The following ZFAT variants were observed in gnomAD, a reference collection of about 807,000 sequenced individuals.
The protein encoded by ZFAT is zinc finger and AT-hook domain containing, also known as zinc finger protein ZFAT.
In ZFAT, 64 loss-of-function variants were observed where a neutral mutation model predicts 117.7. The ratio of observed to expected loss-of-function variants is 0.54; its 90% confidence interval spans 0.44 to 0.67. ZFAT has a LOEUF of 0.67. ZFAT is among the 30% of genes least tolerant of loss of function. The pLI is 0.00. For missense variants in ZFAT, 1,433 were observed against 1,584.5 expected, an observed-to-expected ratio of 0.90 and a Z score of 1.62; for synonymous variants, 679 against 615.0, an observed-to-expected ratio of 1.10 and a Z score of -1.54.
At chr8:134,583,780 G>A (rs1010618624) in intron 10 of ZFAT, 52 bp downstream of exon 10, 26 of 1,591,280 alleles carry the variant, frequency 1.6e-5, no homozygotes, top group Non-Finnish European at 2.1e-5. Context: ...TGGAACATCA[G>A]CTTCAAACCA....
the ZFAT span, among the ~76,000 whole-genome samples, chr8:134,790,298 T>A: frequency 1.3e-5 from 2 of 152,160 alleles, no homozygotes; most frequent in Non-Finnish European, 1.5e-5. Flanking sequence ...TTTGTTAAAG[T>A]AATAGAATTC....
At chr8:134,566,363 C>T (rs1824462165) in intron 10 of ZFAT, among the ~76,000 whole-genome samples, 1 of 120,210 alleles carries the variant, frequency 8.3e-6, no homozygotes, top group African/African-American at 3.1e-5. Flanking sequence ...TACTGCACCC[C>T]AGCCTGGGCG....
chr8:134,795,297 A>G, the ZFAT span: 1 of 152,188 alleles, frequency 6.6e-6, no homozygotes, highest in Admixed American at 6.5e-5. Flanking sequence ...GCCACCCTCC[A>G]ACCTCCAGGG....
the ZFAT span, chr8:134,784,156 G>A: frequency 6.6e-6 from 1 of 152,196 alleles, no homozygotes; most frequent in East Asian, 1.9e-4. Flanking sequence ...TCTTTGAAAG[G>A]TGCAGGTTTC....
intron 2 of ZFAT, among the ~76,000 whole-genome samples, chr8:134,644,150 C>G (rs1830740922): frequency 6.6e-6 from 1 of 152,254 alleles, no homozygotes. Context: ...CATTCACCAG[C>G]TAGGGGGCCA....
chr8:134,816,758 G>A, the ZFAT span, among the ~76,000 whole-genome samples: 1 of 152,070 alleles, frequency 6.6e-6, no homozygotes, highest in Non-Finnish European at 1.5e-5. Flanking sequence ...CAAAGTGGGT[G>A]GATCAGGAGG....
chr8:134,623,602 T>C (rs1829287553), intron 3 of ZFAT, among the ~76,000 whole-genome samples: 1 of 152,202 alleles, frequency 6.6e-6, no homozygotes, highest in African/African-American at 2.4e-5. Context: ...TGCCAGGTCC[T>C]GTGAACTGCA....
rs375471377 is a variant in ZFAT, at chr8:134,601,737, G to T, written c.1982C>A (p.Ala661Asp). 22 of 1,613,446 alleles carry T rather than the reference G, an allele frequency of 1.4e-5. No homozygotes were observed. In the African/African-American group the frequency reaches 2.8e-4, roughly 21 times the overall value. The change falls in exon 6 of 16, where the codon GCT becomes GAT. Residue 661 changes from alanine to aspartate, a missense_variant. By Grantham distance (126) the Ala-to-Asp change is moderately radical. Transcript: ENST00000377838. Reference sequence around the variant, plus strand: ...ATCTGGGTCACCAGCTGAAAGCACAGCCATGTTCTGCCCTTCCCCTAGGGG... The same window carrying T: ...ATCTGGGTCACCAGCTGAAAGCACATCCATGTTCTGCCCTTCCCCTAGGGG... Reference protein sequence around the residue: ...QSPLGEGQNMAVLSAGDPDPS... With the variant: ...QSPLGEGQNMDVLSAGDPDPS...
In ZFAT at chr8:134,675,741, T is replaced by C. The variant is rs181289373; in HGVS notation, c.20-18004A>G. Among the ~76,000 whole-genome samples, 26 of 152,260 alleles carry C rather than the reference T, an allele frequency of 1.7e-4. 1 individual carries two copies. The highest frequency in any genetic ancestry group is 6.3e-4 in the African/African-American group (26 of 41,544). ...GGAAGCCCATCTGACTAACAGCGGA[T>C]CTCTCGGCAGAAACCCTACAAGCCA... is the stretch of plus-strand genomic sequence containing the variant. On this transcript the variant is annotated intron_variant, in intron 1 of 15. Transcript: ENST00000377838.
chr8:134,808,668 C>G, the ZFAT span, among the ~76,000 whole-genome samples: 1 of 152,206 alleles, frequency 6.6e-6, no homozygotes, highest in African/African-American at 2.4e-5. Context: ...GTGAAACATA[C>G]TGTCCAACAA....
chr8:134,656,956 A>G (rs1020979755), intron 2 of ZFAT, among the ~76,000 whole-genome samples: 2 of 152,238 alleles, frequency 1.3e-5, no homozygotes, highest in African/African-American at 4.8e-5. Context: ...CTCACTTTGC[A>G]CGCTGACTGT....
At chr8:134,638,815 C>T (rs543824048) in intron 2 of ZFAT, among the ~76,000 whole-genome samples, 2 of 152,008 alleles carry the variant, frequency 1.3e-5, no homozygotes, top group East Asian at 1.9e-4. Context: ...TGGTCTTCAA[C>T]GATGAGACTT....
intron 12 of ZFAT, among the ~76,000 whole-genome samples, chr8:134,529,018 T>C (rs970101227): frequency 2.0e-5 from 3 of 152,234 alleles, no homozygotes; most frequent in Non-Finnish European, 2.9e-5. Context: ...TCTTAGAGAA[T>C]GATATCTAAT....
chr8:134,575,951 T>C (rs1790578088), intron 10 of ZFAT, among the ~76,000 whole-genome samples: 1 of 152,216 alleles, frequency 6.6e-6, no homozygotes, highest in Non-Finnish European at 1.5e-5. Context: ...TTCAAGCAAC[T>C]GCAGACTTAG....
intron 11 of ZFAT, among the ~76,000 whole-genome samples, chr8:134,551,462 C>T (rs1245629535): frequency 6.6e-6 from 1 of 152,240 alleles, no homozygotes; most frequent in Non-Finnish European, 1.5e-5. Flanking sequence ...TTTAAACATT[C>T]AACCTTGTGG....
chr8:134,641,615 C>A (rs1811630888), intron 2 of ZFAT, among the ~76,000 whole-genome samples: 1 of 152,206 alleles, frequency 6.6e-6, no homozygotes. Flanking sequence ...TTATGACAAA[C>A]CCTGAGGTCT....
chr8:134,709,297 G>C (rs1813899283), intron 1 of ZFAT, among the ~76,000 whole-genome samples: 1 of 152,182 alleles, frequency 6.6e-6, no homozygotes, highest in East Asian at 1.9e-4. Flanking sequence ...TCTGGTTCTG[G>C]GAAGGGAAGA....
At chr8:134,513,637 G>A (rs994111442) in intron 13 of ZFAT, among the ~76,000 whole-genome samples, 4 of 152,178 alleles carry the variant, frequency 2.6e-5, no homozygotes, top group Non-Finnish European at 4.4e-5. Flanking sequence ...TACAGAACTA[G>A]ATGTTAATAA....
chr8:134,565,136 A>G (rs1283437022), intron 11 of ZFAT, 197 bp downstream of exon 11: 4 of 1,524,338 alleles, frequency 2.6e-6, no homozygotes, highest in Non-Finnish European at 3.5e-6. Context: ...TCCAAATTAC[A>G]GAGCAATGCT....
Sources: allele counts gnomAD v4.1 joint callset (sites outside exome capture counted in the v4.1 genomes callset), GRCh38; gene constraint gnomAD v4.1.1; transcripts MANE v1.5; gene names NCBI Gene and HGNC (gene_info 2026-07-23, HGNC 2026-07-21).